PRKG1: variants seen among roughly 807,000 people sequenced by gnomAD.
PRKG1 encodes the protein protein kinase cGMP-dependent 1.
PRKG1 carries 35 observed loss-of-function variants against 88.1 expected under a neutral mutation model. The ratio of observed to expected loss-of-function variants is 0.40; its 90% CI spans 0.30 to 0.53. The LOEUF is 0.53. PRKG1 is among the 20% of genes least tolerant of loss of function. PRKG1 has a pLI of 0.59. For missense variants in PRKG1, 540 were observed against 839.8 expected (o/e 0.64, Z 4.41); for synonymous variants, 303 against 292.5 (o/e 1.04, Z -0.37).
rs532503532 is a variant in PRKG1, at chr10:51,692,414, T to A, written c.593-112171T>A. Among the ~76,000 whole-genome samples the A allele has an allele frequency of 1.1e-3, 172 of 152,066 alleles. 2 individuals are homozygous for A. The Middle Eastern group carries it at 0.017, about 15-fold the overall frequency. Reference sequence around the variant, plus strand: ...CCCACCACCACGCCCCTGGCTAATTTTTTTGTATTTTTAGTAGAGACGGAT... The same window carrying A: ...CCCACCACCACGCCCCTGGCTAATTATTTTGTATTTTTAGTAGAGACGGAT... On this transcript the variant is annotated intron_variant, in intron 3 of 17. Coordinates refer to ENST00000373980, the MANE Select transcript of PRKG1 (RefSeq NM_006258.4).
intron 2 of PRKG1, among the ~76,000 whole-genome samples, chr10:51,171,859 A>G (rs1837034688): frequency 6.6e-6 from 1 of 152,080 alleles, no homozygotes; most frequent in African/African-American, 2.4e-5. Context: ...TTCCTTAATA[A>G]TAAATTAATT....
chr10:51,549,115 C>CTTTTTTTTTTTTTTT (rs1842514509), intron 3 of PRKG1, among the ~76,000 whole-genome samples: 1 of 79,308 alleles, frequency 1.3e-5, no homozygotes, highest in African/African-American at 4.7e-5. Context: ...TCTTTCTTTT[C>CTTTTTTTTTTTTTTT]TTTTCTTTTT....
intron 2 of PRKG1, among the ~76,000 whole-genome samples, chr10:51,193,391 A>G (rs893293684): frequency 1.3e-5 from 2 of 152,006 alleles, no homozygotes; most frequent in East Asian, 1.9e-4. Context: ...TTTAATAAGC[A>G]TTGTATCACA....
intron 14 of PRKG1, among the ~76,000 whole-genome samples, chr10:52,287,464 G>A (rs982964194): frequency 1.3e-5 from 2 of 151,854 alleles, no homozygotes; most frequent in African/African-American, 4.8e-5. Context: ...AAAAGAAATA[G>A]TTTGAACTGC....
chr10:52,224,836 T>TATATATATATATATAC lies in PRKG1; in HGVS notation c.1077-26731_1077-26730insTATATATATATACATA, dbSNP rs1457134141. ...ATATATATATATATATATATATATA[T>TATATATATATATATAC]ATACATACATACATACATATCTCAC... On this transcript the variant is annotated intron_variant, in intron 9 of 17. Coordinates refer to ENST00000373980, the MANE Select transcript of PRKG1 (RefSeq NM_006258.4). 1.4e-4 allele frequency among the ~76,000 whole-genome samples: 13 copies of TATATATATATATATAC among 89,880 alleles called. No homozygotes were observed. The South Asian group carries it at 1.8e-3, about 12-fold the overall frequency. 59.0% of individuals were successfully genotyped at this position (89,880 alleles called of 152,430 possible).
intron 3 of PRKG1, among the ~76,000 whole-genome samples, chr10:51,476,813 C>T (rs1840208007): frequency 6.6e-6 from 1 of 151,956 alleles, no homozygotes; most frequent in African/African-American, 2.4e-5. Flanking sequence ...GAGTTCAGGT[C>T]AGGTAAAATA....
chr10:51,915,692 T>C (rs1023983289), intron 5 of PRKG1, among the ~76,000 whole-genome samples: 5 of 152,176 alleles, frequency 3.3e-5, no homozygotes, highest in African/African-American at 1.2e-4. Flanking sequence ...AGAAAATATT[T>C]GCTAATTATA....
intron 2 of PRKG1, among the ~76,000 whole-genome samples, chr10:51,159,522 A>G (rs975741881): frequency 6.6e-6 from 1 of 152,190 alleles, no homozygotes. Context: ...TATAAAAACA[A>G]AACAAAACAC....
chr10:51,946,963 A>G (rs1206782667), intron 5 of PRKG1, among the ~76,000 whole-genome samples: 2 of 152,072 alleles, frequency 1.3e-5, no homozygotes, highest in Admixed American at 6.5e-5. Flanking sequence ...CTCCAGCTGC[A>G]TGCTGGGAGA....
intron 3 of PRKG1, among the ~76,000 whole-genome samples, chr10:51,651,289 T>C (rs1840032071): frequency 6.6e-6 from 1 of 152,130 alleles, no homozygotes; most frequent in Non-Finnish European, 1.5e-5. Context: ...GTCCTTTCAA[T>C]TCATATTACT....
In PRKG1 at chr10:51,291,417, C is replaced by G. The variant is rs1000874163; in HGVS notation, c.478+138087C>G. On this transcript the variant is annotated intron_variant, in intron 2 of 17. Transcript: ENST00000373980. ...TTTCTCATTTATCTCATTATGGTAACAAGATAACGGTAACTGTAGACATAA... is the reference window on the plus strand; with the variant it reads ...TTTCTCATTTATCTCATTATGGTAAGAAGATAACGGTAACTGTAGACATAA... Among the ~76,000 whole-genome samples, 8 of 151,668 alleles carry G rather than the reference C, an allele frequency of 5.3e-5. No individual in the cohort carries two copies. The East Asian group carries it at 1.5e-3, about 29-fold the overall frequency.
intron 5 of PRKG1, among the ~76,000 whole-genome samples, chr10:51,958,023 C>G (rs1013409032): frequency 6.6e-6 from 1 of 151,848 alleles, no homozygotes; most frequent in Non-Finnish European, 1.5e-5. Context: ...TAATTTTTAC[C>G]TTAGATTTTT....
At chr10:51,339,140 T>A (rs572796487) in intron 2 of PRKG1, among the ~76,000 whole-genome samples, 1 of 152,318 alleles carries the variant, frequency 6.6e-6, no homozygotes, top group East Asian at 1.9e-4. Context: ...AAAGCCTTAA[T>A]ACTTGAAACA....
chr10:51,228,004 G>A (rs1447405278), intron 2 of PRKG1, among the ~76,000 whole-genome samples: 2 of 151,924 alleles, frequency 1.3e-5, no homozygotes, highest in East Asian at 1.9e-4. Context: ...TTTCTTTAGG[G>A]ATTTTTGGAG....
intron 5 of PRKG1, among the ~76,000 whole-genome samples, chr10:52,034,478 T>C (rs574531744): frequency 6.6e-6 from 1 of 151,670 alleles, no homozygotes; most frequent in African/African-American, 2.4e-5. Context: ...TTTGGATGAA[T>C]TGAGAAACTA....
chr10:51,183,346 T>C (rs2132028879), intron 2 of PRKG1, among the ~76,000 whole-genome samples: 1 of 152,358 alleles, frequency 6.6e-6, no homozygotes, highest in South Asian at 2.1e-4. Flanking sequence ...CTGTTCTGTG[T>C]TGTACTTTGC....
intron 8 of PRKG1, 22 bp downstream of exon 8, chr10:52,133,927 G>A (rs774336903): frequency 5.0e-6 from 8 of 1,589,946 alleles, no homozygotes; most frequent in Non-Finnish European, 6.9e-6. Context: ...GTTTTATTAT[G>A]TGAATTACAC....
intron 5 of PRKG1, among the ~76,000 whole-genome samples, chr10:51,985,279 T>G (rs1200675362): frequency 6.6e-6 from 1 of 152,116 alleles, no homozygotes; most frequent in Non-Finnish European, 1.5e-5. Flanking sequence ...TAATTCAAGC[T>G]TGTTTCATGC....
intron 13 of PRKG1, 93 bp from the exon 14 acceptor site, chr10:52,282,060 A>G (rs890737878): frequency 2.1e-5 from 26 of 1,222,274 alleles, no homozygotes; most frequent in Non-Finnish European, 2.8e-5. Flanking sequence ...ATGTTTTTAA[A>G]TTATTATCAT....
Sources: allele counts gnomAD v4.1 joint callset (sites outside exome capture counted in the v4.1 genomes callset), GRCh38; gene constraint gnomAD v4.1.1; transcripts MANE v1.5; gene names NCBI Gene and HGNC (gene_info 2026-07-23, HGNC 2026-07-21).